Variants in PAK3 observed in about 807,000 individuals in gnomAD.
The protein encoded by PAK3 is serine/threonine-protein kinase PAK 3.
PAK3 carries 4 observed loss-of-function variants against 41.0 expected under a neutral mutation model. That is an observed-to-expected ratio of 0.10 (90% CI 0.05 to 0.22). The LOEUF (loss-of-function observed/expected upper bound fraction) is 0.22, where lower values mean the gene tolerates loss of function less well. PAK3 is among the 10% of genes least tolerant of loss of function. PAK3 has a pLI of 1.00. For missense variants in PAK3, 205 were observed against 409.9 expected, an observed-to-expected ratio of 0.50 and a Z score of 4.32; for synonymous variants, 146 against 139.6, an observed-to-expected ratio of 1.05 and a Z score of -0.32.
intron 1 of PAK3, among the ~76,000 whole-genome samples, chrX:110,963,122 A>G (rs1170246929): frequency 8.9e-6 from 1 of 112,848 alleles, no homozygotes; most frequent in Non-Finnish European, 1.9e-5. Context: ...ACATAGTTCT[A>G]TAATTTGCAT....
intron 1 of PAK3, among the ~76,000 whole-genome samples, chrX:110,955,868 C>A (rs1194312968): frequency 1.8e-5 from 2 of 111,778 alleles, no homozygotes; most frequent in Non-Finnish European, 3.8e-5. Flanking sequence ...CTGTGAATGT[C>A]TTCATGTTTT....
chrX:111,194,028 G>A (rs1341217398), intron 13 of PAK3, among the ~76,000 whole-genome samples: 1 of 111,330 alleles, frequency 9.0e-6, no homozygotes, highest in Non-Finnish European at 1.9e-5. Flanking sequence ...TGATAAGCAA[G>A]GTTTCAGAGA....
At chrX:111,163,460 A>T in intron 9 of PAK3, 102 bp from the exon 10 acceptor site, 1 of 629,410 alleles carries the variant, frequency 1.6e-6, no homozygotes, top group Non-Finnish European at 2.6e-6. Context: ...TTTTTAAGAA[A>T]ATACCACTTG....
intron 5 of PAK3, among the ~76,000 whole-genome samples, chrX:111,128,494 C>G (rs976899447): frequency 2.7e-5 from 3 of 111,966 alleles, no homozygotes; most frequent in Non-Finnish European, 3.8e-5. Flanking sequence ...TCCCTTTTTA[C>G]AGATGAGGCA....
chrX:111,221,411 C>T lies in PAK3; in HGVS notation c.*964C>T, dbSNP rs1051533227. On this transcript the variant is annotated 3_prime_UTR_variant, in exon 18 of 18. Coordinates refer to ENST00000372007, the MANE Select transcript of PAK3 (RefSeq NM_002578.5). Reference sequence around the variant, plus strand: ...CATTTAAACAAAGATGGGACTTTCTCTGAGAGCCAAAACCAGATAAATGTA... The same window carrying T: ...CATTTAAACAAAGATGGGACTTTCTTTGAGAGCCAAAACCAGATAAATGTA... 1.8e-5 allele frequency: 2 copies of T among 111,780 alleles called. No individual in the cohort carries two copies. The highest frequency in any genetic ancestry group is 6.5e-5 in the African/African-American group (2 of 30,764). The allele number at this position is 111,780 out of a possible 1,213,427, so 9.2% of individuals were successfully genotyped here.
intron 1 of PAK3, among the ~76,000 whole-genome samples, chrX:111,061,939 C>T (rs1276558133): frequency 2.7e-5 from 3 of 110,252 alleles, no homozygotes; most frequent in Admixed American, 9.7e-5. Context: ...CTCAGCCTCC[C>T]GAGTAGCTGG....
At chrX:110,991,467 C>T (rs1185357853) in intron 1 of PAK3, among the ~76,000 whole-genome samples, 1 of 111,472 alleles carries the variant, frequency 9.0e-6, no homozygotes, top group Non-Finnish European at 1.9e-5. Context: ...CCTCGTTTCT[C>T]GGTTTCCTGG....
At chrX:111,047,375 G>T (rs190049767) in intron 1 of PAK3, among the ~76,000 whole-genome samples, 130 of 110,341 alleles carry the variant, frequency 1.2e-3, no homozygotes, top group African/African-American at 3.9e-3. Flanking sequence ...TTTATAAGCT[G>T]GGAAGACTAT....
At chrX:111,080,865 T>C (rs1024855413) in intron 1 of PAK3, among the ~76,000 whole-genome samples, 1 of 111,914 alleles carries the variant, frequency 8.9e-6, no homozygotes, top group Non-Finnish European at 1.9e-5. Context: ...ATAAAGAAAA[T>C]GTAGTATATA....
At chrX:110,983,261 C>T (rs150258433) in intron 1 of PAK3, among the ~76,000 whole-genome samples, 12 of 111,469 alleles carry the variant, frequency 1.1e-4, no homozygotes, top group Admixed American at 7.6e-4. Flanking sequence ...GCACTTGGCT[C>T]GTTTTCTCAG....
intron 8 of PAK3, among the ~76,000 whole-genome samples, chrX:111,157,449 G>A (rs1241832472): frequency 9.0e-6 from 1 of 111,272 alleles, no homozygotes; most frequent in Non-Finnish European, 1.9e-5. Flanking sequence ...GTACCTTTCC[G>A]GGGAGATAGA....
chrX:111,216,792 C>T (rs1270997395), intron 17 of PAK3: 2 of 248,836 alleles, frequency 8.0e-6, no homozygotes, highest in African/African-American at 6.2e-5. Context: ...TTCCTGGAGT[C>T]TTATTTTGCA....
At chrX:111,083,321 C>T (rs2092850349) in intron 1 of PAK3, among the ~76,000 whole-genome samples, 1 of 112,213 alleles carries the variant, frequency 8.9e-6, no homozygotes, top group South Asian at 3.7e-4. Context: ...GCTCACATTT[C>T]CTAAGTAATC....
intron 5 of PAK3, among the ~76,000 whole-genome samples, chrX:111,131,992 TAAAA>T (rs769518743): frequency 3.2e-4 from 35 of 110,854 alleles, no homozygotes; most frequent in Admixed American, 5.7e-4. Flanking sequence ...TTTTTTTTAA[TAAAA>T]AAAGGAAAAA....
intron 1 of PAK3, among the ~76,000 whole-genome samples, chrX:110,974,206 A>T (rs1266767970): frequency 9.0e-6 from 1 of 111,415 alleles, no homozygotes; most frequent in Non-Finnish European, 1.9e-5. Flanking sequence ...GCTCTGCAAC[A>T]AGCAGACCTA....
chrX:111,163,520 T>G (rs1229100748), intron 9 of PAK3, 42 bp from the exon 10 acceptor site: 1 of 1,009,736 alleles, frequency 9.9e-7, no homozygotes, highest in South Asian at 1.9e-5. Context: ...CACTCTTTCC[T>G]TGGCCTGCTG....
intron 1 of PAK3, among the ~76,000 whole-genome samples, chrX:111,054,685 C>G (rs762754666): frequency 2.2e-4 from 24 of 111,616 alleles, no homozygotes; most frequent in African/African-American, 7.5e-4. Flanking sequence ...GGAACAATAT[C>G]TATTCAGAAT....
upstream of PAK3, among the ~76,000 whole-genome samples, chrX:111,093,243 A>C (rs1318639085): frequency 9.0e-6 from 1 of 111,247 alleles, no homozygotes; most frequent in South Asian, 3.8e-4. Context: ...GTAACTTCAA[A>C]CCCCTGAGTC....
intron 11 of PAK3, among the ~76,000 whole-genome samples, chrX:111,185,102 T>G (rs1429672552): frequency 8.9e-6 from 1 of 112,243 alleles, no homozygotes; most frequent in Non-Finnish European, 1.9e-5. Flanking sequence ...CTAACTGGCG[T>G]GAGATGGTAT....
Sources: allele counts gnomAD v4.1 joint callset (sites outside exome capture counted in the v4.1 genomes callset), GRCh38; gene constraint gnomAD v4.1.1; transcripts MANE v1.5; gene names NCBI Gene and HGNC (gene_info 2026-07-23, HGNC 2026-07-21).